The following WDR3 variants were observed in gnomAD, a reference collection of about 807,000 sequenced individuals.
WDR3 encodes the protein WD repeat domain 3, also known as WD repeat-containing protein 3.
Under a neutral mutation model 123.7 loss-of-function variants are expected in WDR3, and 81 were observed. The observed-to-expected ratio is 0.65, with a 90% confidence interval of 0.55 to 0.79. The LOEUF (loss-of-function observed/expected upper bound fraction) is 0.79, where lower values mean the gene tolerates loss of function less well. WDR3 is among the 30% of genes least tolerant of loss of function. WDR3 has a pLI of 0.00. For synonymous variants in WDR3, 390 were observed against 388.8 expected (o/e 1.00, Z -0.04); for missense variants, 1,027 against 1,123.2 (o/e 0.91, Z 1.22).
At chr1:117,941,569 A>G (rs530134361) in intron 8 of WDR3, among the ~76,000 whole-genome samples, 181 bp from the exon 9 acceptor site, 2 of 152,334 alleles carry the variant, frequency 1.3e-5, no homozygotes, top group African/African-American at 4.8e-5. Flanking sequence ...GAGCAATGCT[A>G]CAAGTAGGAA....
intron 12 of WDR3, 46 bp downstream of exon 12, chr1:117,946,225 A>G (rs1378302386): frequency 6.7e-7 from 1 of 1,502,984 alleles, no homozygotes; most frequent in Non-Finnish European, 9.1e-7. Context: ...TTCTACTCAA[A>G]ATTCATAAAG....
chr1:117,942,409 C>T (rs1658924635), intron 9 of WDR3, 28 bp from the exon 10 acceptor site: 1 of 1,584,130 alleles, frequency 6.3e-7, no homozygotes, highest in Non-Finnish European at 8.7e-7. Flanking sequence ...AAAATAAGAG[C>T]ATGATATACT....
chr1:117,956,240 A>G (rs1652174957), intron 24 of WDR3, among the ~76,000 whole-genome samples: 1 of 152,144 alleles, frequency 6.6e-6, no homozygotes, highest in South Asian at 2.1e-4. Context: ...ATTTTGGGAC[A>G]CTTGAGACCA....
intron 21 of WDR3, 122 bp downstream of exon 21, chr1:117,953,663 T>C: frequency 2.3e-6 from 2 of 888,000 alleles, no homozygotes; most frequent in Non-Finnish European, 3.4e-6. Flanking sequence ...GATTTAAAGA[T>C]GGGGATTATA....
chr1:117,949,977 T>A lies in WDR3; in HGVS notation c.1611-18T>A, dbSNP rs1173487327. ...TGTATACTCATTTATTTTTTCTTGATGTTTTTTGTGGTGCTAGACTTTCTG... is the reference window on the plus strand; with the variant it reads ...TGTATACTCATTTATTTTTTCTTGAAGTTTTTTGTGGTGCTAGACTTTCTG... On this transcript the variant is annotated intron_variant, in intron 14 of 26. Coordinates refer to ENST00000349139, the MANE Select transcript of WDR3 (RefSeq NM_006784.3). 1 of 1,613,526 alleles carries A rather than the reference T, an allele frequency of 6.2e-7. No homozygotes were observed. Among genetic ancestry groups the A allele is most frequent in the Non-Finnish European group, 8.5e-7 (1 of 1,179,760 alleles).
intron 2 of WDR3, 113 bp downstream of exon 2, chr1:117,933,603 C>T (rs1453475229): frequency 4.9e-6 from 7 of 1,417,716 alleles, no homozygotes; most frequent in Non-Finnish European, 6.9e-6. Flanking sequence ...TGTCTGTGCC[C>T]TTAGAAGAAA....
In WDR3 at chr1:117,938,637, T is replaced by A; in HGVS notation, c.579+79T>A. On this transcript the variant is annotated intron_variant, in intron 5 of 26. Transcript: ENST00000349139. ...GTGGTGGTCTTCTCTTCCCCTTTCA[T>A]GGCTCTTTGTTTTTAGTGCACACAG... 2 of 1,297,464 alleles carry A rather than the reference T, an allele frequency of 1.5e-6. 1 individual carries two copies. Among genetic ancestry groups the A allele is most frequent in the South Asian group, 2.6e-5 (2 of 77,420 alleles). The allele number at this position is 1,297,464 out of a possible 1,614,324, so 80.4% of individuals were successfully genotyped here.
In WDR3 at chr1:117,957,137, AT is replaced by A; in HGVS notation, c.2525del (p.Phe842SerfsTer35). 1 of 1,612,760 alleles carries A rather than the reference AT, an allele frequency of 6.2e-7. No individual in the cohort carries two copies. The highest frequency in any genetic ancestry group is 8.5e-7 in the Non-Finnish European group (1 of 1,179,536). ...CAGACATTCTTAAACTCTTTAACGA[AT>A]TCATTCAGCTGGGCTCTGATGTTGA... ...VPDILKLFNEFIQLGSDVELI... is the reference protein window; with the variant it reads ...VPDILKLFNEXIQLGSDVELI... On this transcript the variant is annotated frameshift_variant, in exon 25 of 27. Coordinates refer to ENST00000349139, the MANE Select transcript of WDR3 (RefSeq NM_006784.3). LOFTEE classifies it high-confidence loss of function.
intron 1 of WDR3, 89 bp from the exon 2 acceptor site, chr1:117,933,199 G>C (rs529894221): frequency 1.7e-6 from 2 of 1,157,642 alleles, no homozygotes; most frequent in South Asian, 3.1e-5. Flanking sequence ...GTGAGACTCT[G>C]TCTCAAAAAC....
Position 117,934,617 on chromosome 1 carries a change from C to A in WDR3, c.316C>A (p.His106Asn). Residue 106 changes from histidine to asparagine, a missense_variant, in exon 3 of 27, where the codon CAC (histidine) becomes AAC (asparagine). By Grantham distance (68) the His-to-Asn change is moderately conservative. Coordinates refer to ENST00000349139, the MANE Select transcript of WDR3 (RefSeq NM_006784.3). ...SGEGNVTFNG[H>N]KAAITTLKYD... is the part of the protein sequence containing the mutation. ...GGAAGGAAATGTGACCTTCAATGGTCACAAAGCAGCTATCACTACCTTGAA... is the reference window on the plus strand; with the variant it reads ...GGAAGGAAATGTGACCTTCAATGGTAACAAAGCAGCTATCACTACCTTGAA... The A allele has an allele frequency of 1.2e-6, 2 of 1,614,014 alleles. No individual in the cohort carries two copies. Among genetic ancestry groups the A allele is most frequent in the South Asian group, 2.2e-5 (2 of 91,024 alleles).
At chr1:117,955,047 A>C (rs1184482657) in intron 23 of WDR3, 2 of 408,734 alleles carry the variant, frequency 4.9e-6, no homozygotes, top group South Asian at 1.4e-4. Context: ...ATTTTATTGC[A>C]TGTCTCATCA....
At position 117,957,157 on chromosome 1, in the gene WDR3, A is replaced by T. The variant is rs1316389221; in HGVS notation, c.2543A>T (p.Asp848Val). The change falls in exon 25 of 27, where the codon GAT becomes GTT. Residue 848 changes from aspartate (D) to valine (V), a missense_variant. Asp to Val is a radical substitution (Grantham distance 152, BLOSUM62 -3). Transcript: ENST00000349139. ...AACGAATTCATTCAGCTGGGCTCTG[A>T]TGTTGAACTTATATGCCGGTGCCTC... ...LFNEFIQLGS[D>V]VELICRCLFF... The T allele has an allele frequency of 5.6e-6, 9 of 1,612,426 alleles. No homozygotes were observed. The highest frequency in any genetic ancestry group is 7.6e-6 in the Non-Finnish European group (9 of 1,179,490).
Position 117,946,844 on chromosome 1 carries a change from G to A in WDR3, c.1422+665G>A, listed in dbSNP as rs1651417862. Among the ~76,000 whole-genome samples the A allele has an allele frequency of 2.0e-5, 3 of 151,538 alleles. No individual in the cohort carries two copies. In the South Asian group the frequency reaches 6.3e-4, roughly 32 times the overall value. ...TAGTCCCAGCTACTCGGGAGGCTGA[G>A]GCAGGAGAATGGCGTGAACCCGGGA... On this transcript the variant is annotated intron_variant, in intron 12 of 26. Coordinates refer to ENST00000349139, the MANE Select transcript of WDR3 (RefSeq NM_006784.3).
intron 22 of WDR3, among the ~76,000 whole-genome samples, chr1:117,954,322 T>G (rs1263144558): frequency 6.6e-6 from 1 of 152,054 alleles, no homozygotes; most frequent in Non-Finnish European, 1.5e-5. Flanking sequence ...ATTATTGTCT[T>G]GAGTAGAAAC....
At position 117,941,177 on chromosome 1, in the gene WDR3, A is replaced by G. The variant is rs373271036; in HGVS notation, c.843A>G (p.Arg281=). 1.8e-4 allele frequency: 295 copies of G among 1,614,066 alleles called. 1 individual carries two copies. The highest frequency in any genetic ancestry group is 3.8e-5 in the Non-Finnish European group (45 of 1,180,026). Residue 281 remains arginine, a synonymous_variant, in exon 8 of 27, where the codon AGA becomes AGG. Transcript: ENST00000349139. Reference sequence around the variant, plus strand: ...CCATAATGCGGGAAGGAAGAGACAGAGTTGTAAACCTTGCAGTCGACAAGA... The same window carrying G: ...CCATAATGCGGGAAGGAAGAGACAGGGTTGTAAACCTTGCAGTCGACAAGA... The part of the protein sequence containing the change: ...AGSIMREGRD[R]VVNLAVDKTG...
At chr1:117,948,187 A>G (rs1325940945) in intron 12 of WDR3, among the ~76,000 whole-genome samples, 1 of 152,208 alleles carries the variant, frequency 6.6e-6, no homozygotes, top group East Asian at 1.9e-4. Context: ...CTTCTACACT[A>G]TGGTAGCCCT....
Position 117,959,340 on chromosome 1 carries a change from T to C in WDR3, c.2725T>C (p.Cys909Arg). The change falls in exon 27 of 27, where the codon TGC becomes CGC. Residue 909 changes from cysteine (C) to arginine (R), a missense_variant. Physicochemically the swap from Cys to Arg is radical, Grantham distance 180 (BLOSUM62 -3). Coordinates refer to ENST00000349139, the MANE Select transcript of WDR3 (RefSeq NM_006784.3). ...MAGLDYLKRE[C>R]EAKSEVMFFA... Reference sequence around the variant, plus strand: ...TGGTCTTGATTATCTCAAGAGGGAATGCGAGGCAAAAAGTGAAGTTATGTT... The same window carrying C: ...TGGTCTTGATTATCTCAAGAGGGAACGCGAGGCAAAAAGTGAAGTTATGTT... The C allele has an allele frequency of 6.2e-7, 1 of 1,613,838 alleles. No individual in the cohort carries two copies. Among genetic ancestry groups the C allele is most frequent in the Non-Finnish European group, 8.5e-7 (1 of 1,179,922 alleles).
At chr1:117,941,321 C>A in intron 8 of WDR3, 96 bp downstream of exon 8, 2 of 1,223,398 alleles carry the variant, frequency 1.6e-6, no homozygotes, top group Non-Finnish European at 2.3e-6. Flanking sequence ...TTTTTCTTGA[C>A]TCATGTTAAT....
intron 1 of WDR3, among the ~76,000 whole-genome samples, chr1:117,931,876 T>G (rs1650746041): frequency 6.6e-6 from 1 of 152,230 alleles, no homozygotes; most frequent in African/African-American, 2.4e-5. Flanking sequence ...TAAGTGATTA[T>G]TACCAGAAAA....
Sources: allele counts gnomAD v4.1 joint callset (sites outside exome capture counted in the v4.1 genomes callset), GRCh38; gene constraint gnomAD v4.1.1; transcripts MANE v1.5; gene names NCBI Gene and HGNC (gene_info 2026-07-23, HGNC 2026-07-21).